Variants in MEP1A observed in about 807,000 individuals in gnomAD.
MEP1A encodes the protein N-benzoyl-L-tyrosyl-P-amino-benzoic acid hydrolase subunit alpha.
A neutral mutation model predicts 84.5 loss-of-function variants in MEP1A; 68 were observed. The ratio of observed to expected loss-of-function variants is 0.80; its 90% confidence interval spans 0.66 to 0.98. The LOEUF is 0.98. Among genes scored for constraint, MEP1A ranks in the 50% least tolerant of loss-of-function variants. The pLI, the probability that MEP1A is intolerant of heterozygous loss-of-function variation, is 0.00. For missense variants in MEP1A, 887 were observed against 919.9 expected (o/e 0.96, Z 0.46); for synonymous variants, 337 against 336.8 (o/e 1.00, Z -0.01).
In MEP1A at chr6:46,833,131, T is replaced by G; in HGVS notation, c.1202T>G (p.Phe401Cys). The change falls in exon 11 of 14, where the codon TTT becomes TGT. Residue 401 changes from phenylalanine (F) to cysteine (C), a missense_variant. Phe to Cys is a radical substitution (Grantham distance 205). Coordinates refer to ENST00000230588, the MANE Select transcript of MEP1A (RefSeq NM_005588.3). ...AHVVLKEEQK[F>C]RYLFQGTKGD... is the part of the protein sequence containing the mutation. ...GTGGTGCTCAAAGAGGAACAGAAGT[T>G]TCGCTACCTTTTCCAGGGCACAAAA... The G allele has an allele frequency of 6.4e-7, 1 of 1,553,238 alleles. No homozygotes were observed. Among genetic ancestry groups the G allele is most frequent in the Non-Finnish European group, 8.7e-7 (1 of 1,154,812 alleles).
At chr6:46,819,750 C>T in intron 7 of MEP1A, 46 bp downstream of exon 7, 1 of 1,589,200 alleles carries the variant, frequency 6.3e-7, no homozygotes, top group Non-Finnish European at 8.6e-7. Flanking sequence ...CTGGCTGAGA[C>T]CAATCCTGAG....
At chr6:46,815,323 G>T (rs556635580) in intron 6 of MEP1A, among the ~76,000 whole-genome samples, 46 of 152,152 alleles carry the variant, frequency 3.0e-4, no homozygotes, top group Non-Finnish European at 6.2e-4. Flanking sequence ...CTCCAGGAGG[G>T]ATTATGGCTG....
At chr6:46,810,106 C>T (rs1562108172) in intron 6 of MEP1A, among the ~76,000 whole-genome samples, 1 of 151,962 alleles carries the variant, frequency 6.6e-6, no homozygotes, top group Non-Finnish European at 1.5e-5. Context: ...TCCCTTTTCA[C>T]TGCATCCACA....
downstream of MEP1A, among the ~76,000 whole-genome samples, chr6:46,843,333 C>T (rs1165943317): frequency 2.0e-5 from 3 of 152,146 alleles, no homozygotes; most frequent in Non-Finnish European, 4.4e-5. Context: ...GCCAATGAAA[C>T]CTTGTATTAA....
chr6:46,812,809 T>C (rs1208375033), intron 6 of MEP1A, among the ~76,000 whole-genome samples: 1 of 151,928 alleles, frequency 6.6e-6, no homozygotes. Flanking sequence ...TCCAATTCTG[T>C]TTGACTGTGG....
intron 7 of MEP1A, among the ~76,000 whole-genome samples, chr6:46,820,917 G>C (rs1230775511): frequency 6.6e-6 from 1 of 152,074 alleles, no homozygotes; most frequent in Non-Finnish European, 1.5e-5. Flanking sequence ...AACTGTTTCC[G>C]GCATGGCTTT....
rs1473076657 is a variant in MEP1A, at chr6:46,839,430, A to G, written c.*294A>G. 6 of 215,852 alleles carry G rather than the reference A, an allele frequency of 2.8e-5. No individual in the cohort carries two copies. Among genetic ancestry groups the G allele is most frequent in the Non-Finnish European group, 5.5e-5 (6 of 109,424 alleles). 13.4% of individuals were successfully genotyped at this position (215,852 alleles called of 1,614,324 possible). ...GACTGTAAGCTCCATGAGGGCAGGCACATGTTGTTCTCATTGACCGTGCTG... is the reference window on the plus strand; with the variant it reads ...GACTGTAAGCTCCATGAGGGCAGGCGCATGTTGTTCTCATTGACCGTGCTG... On this transcript the variant is annotated 3_prime_UTR_variant, in exon 14 of 14. Transcript: ENST00000230588.
chr6:46,808,109 T>G (rs1423739127), intron 5 of MEP1A, among the ~76,000 whole-genome samples: 2 of 152,058 alleles, frequency 1.3e-5, no homozygotes, highest in Non-Finnish European at 2.9e-5. Context: ...AAAAGCGAAA[T>G]AGCCTTCTAG....
chr6:46,822,630 A>C (rs1767807311), intron 7 of MEP1A, among the ~76,000 whole-genome samples: 1 of 151,008 alleles, frequency 6.6e-6, no homozygotes. Context: ...TACAACCTCC[A>C]CCTCCTGGGT....
At chr6:46,803,716 T>C (rs1033557001) in intron 5 of MEP1A, among the ~76,000 whole-genome samples, 1 of 143,526 alleles carries the variant, frequency 7.0e-6, no homozygotes, top group Non-Finnish European at 1.5e-5. Context: ...TAATATATTC[T>C]ACAACATGGC....
intron 5 of MEP1A, among the ~76,000 whole-genome samples, chr6:46,808,628 G>A (rs1767418454): frequency 6.6e-6 from 1 of 151,982 alleles, no homozygotes; most frequent in Non-Finnish European, 1.5e-5. Context: ...CCCCATCTTT[G>A]TCTTACAATG....
intron 3 of MEP1A, among the ~76,000 whole-genome samples, chr6:46,796,065 T>C (rs892498032): frequency 2.0e-5 from 3 of 152,134 alleles, no homozygotes; most frequent in African/African-American, 7.2e-5. Context: ...CCACCCTGAC[T>C]GCACAGCTAC....
downstream of MEP1A, among the ~76,000 whole-genome samples, chr6:46,844,184 C>T (rs1162526372): frequency 1.3e-5 from 2 of 152,072 alleles, no homozygotes; most frequent in Non-Finnish European, 2.9e-5. Context: ...TATAGTTATC[C>T]TGTAGCTGTG....
chr6:46,834,794 G>A, intron 12 of MEP1A, 43 bp downstream of exon 12: 1 of 1,462,936 alleles, frequency 6.8e-7, no homozygotes, highest in Non-Finnish European at 9.5e-7. Context: ...CTATGCTCTT[G>A]GCACTCTACT....
chr6:46,830,482 G>T (rs1768054178), intron 10 of MEP1A, among the ~76,000 whole-genome samples: 2 of 152,056 alleles, frequency 1.3e-5, no homozygotes, highest in African/African-American at 2.4e-5. Context: ...ATTATAGATG[G>T]AGAAATTTTT....
chr6:46,809,377 A>G, intron 5 of MEP1A, 43 bp from the exon 6 acceptor site: 1 of 1,214,820 alleles, frequency 8.2e-7, no homozygotes, highest in Non-Finnish European at 1.2e-6. Context: ...ATATTATCTA[A>G]GGTCCAAATA....
At chr6:46,842,942 G>C (rs1207696410), downstream of MEP1A, among the ~76,000 whole-genome samples, 1 of 152,142 alleles carries the variant, frequency 6.6e-6, no homozygotes, top group Non-Finnish European at 1.5e-5. Context: ...AAACCATCAA[G>C]CCCACAAATA....
intron 13 of MEP1A, among the ~76,000 whole-genome samples, chr6:46,837,552 T>C (rs1379618033): frequency 6.6e-6 from 1 of 152,220 alleles, no homozygotes; most frequent in African/African-American, 2.4e-5. Context: ...GGTCTGCATA[T>C]CTTTGCCTGA....
At chr6:46,806,145 T>C (rs1164873993) in intron 5 of MEP1A, among the ~76,000 whole-genome samples, 8 of 152,062 alleles carry the variant, frequency 5.3e-5, no homozygotes, top group Non-Finnish European at 1.0e-4. Flanking sequence ...ACAATAGAGA[T>C]TTAAAGTGTT....
Sources: allele counts gnomAD v4.1 joint callset (sites outside exome capture counted in the v4.1 genomes callset), GRCh38; gene constraint gnomAD v4.1.1; transcripts MANE v1.5; gene names NCBI Gene and HGNC (gene_info 2026-07-23, HGNC 2026-07-21).